The following MKS1 variants were observed in gnomAD, a reference collection of about 807,000 sequenced individuals.
MKS1 encodes the protein MKS transition zone complex subunit 1, also known as tectonic-like complex member MKS1.
MKS1 carries 70 observed loss-of-function variants against 83.7 expected under a neutral mutation model. The ratio of observed to expected loss-of-function variants is 0.84; its 90% CI spans 0.69 to 1.02. The LOEUF is 1.02. Among genes scored for constraint, MKS1 ranks in the 50% least tolerant of loss-of-function variants. The probability of loss-of-function intolerance (pLI) is 0.00; values close to 1 mark genes in which losing one functional copy is unlikely to be tolerated. For synonymous variants in MKS1, 251 were observed against 273.4 expected (o/e 0.92, Z 0.81); for missense variants, 681 against 726.9 (o/e 0.94, Z 0.73).
chr17:58,207,688 A>C, intron 14 of MKS1: 1 of 648,034 alleles, frequency 1.5e-6, no homozygotes, highest in East Asian at 2.8e-5. Context: ...AAGCACATGG[A>C]GAGACTGTCA....
At chr17:58,213,666 C>A in intron 7 of MKS1, 99 bp downstream of exon 7, 1 of 905,908 alleles carries the variant, frequency 1.1e-6, no homozygotes, top group Non-Finnish European at 1.8e-6. Context: ...AAAGTTAGAA[C>A]AGATGAAGGA....
rs1379458268 is a variant in MKS1 at position 58,206,460 on chromosome 17, C to T, written c.1490+5G>A. The stretch of plus-strand genomic sequence containing the variant: ...TGCCCTGAGGCAGAGGGCCAAGTCA[C>T]TCACCTGGACTGCTGCAGACAGTGC... On this transcript the variant is annotated splice_donor_5th_base_variant and intron_variant, in intron 16 of 17. Coordinates refer to ENST00000393119, the MANE Select transcript of MKS1 (RefSeq NM_017777.4). 6.2e-7 allele frequency: 1 copy of T among 1,614,166 alleles called. No individual in the cohort carries two copies. The highest frequency in any genetic ancestry group is 1.1e-5 in the South Asian group (1 of 91,080).
Position 58,209,392 on chromosome 17 carries a change from G to C in MKS1, c.1025-809C>G, listed in dbSNP as rs558022901. Among the ~76,000 whole-genome samples, 1 of 152,200 alleles carries C rather than the reference G, an allele frequency of 6.6e-6. No individual in the cohort carries two copies. Among genetic ancestry groups the C allele is most frequent in the African/African-American group, 2.4e-5 (1 of 41,442 alleles). On this transcript the variant is annotated intron_variant, in intron 11 of 17. Coordinates refer to ENST00000393119, the MANE Select transcript of MKS1 (RefSeq NM_017777.4). The surrounding 1 kb of genome is among the most constrained non-coding windows in gnomAD (Gnocchi z 4.1). ...CCATCTCTCATGGAGCTGACATTCT[G>C]GGGGAAGCAGGGAGACAGACAAAAA...
chr17:58,213,044 C>T lies in MKS1; in HGVS notation c.796G>A (p.Asp266Asn), dbSNP rs764943455. Residue 266 changes from aspartate (D) to asparagine (N), a missense_variant, in exon 8 of 18, where the codon GAC becomes AAC. Coordinates refer to ENST00000393119, the MANE Select transcript of MKS1 (RefSeq NM_017777.4). ...EKQELWKYTI[D>N]NVSPHAQPEE... ...GGCTGTGCGTGGGGGGAAACATTGT[C>T]GATCGTATATTTCCACAGCTCCTGC... 8.7e-6 allele frequency: 14 copies of T among 1,614,138 alleles called. No individual in the cohort carries two copies. Among genetic ancestry groups the T allele is most frequent in the Non-Finnish European group, 1.2e-5 (14 of 1,180,040 alleles).
rs2143753947 is a variant in MKS1, at chr17:58,208,183, A to G, written c.1096-9T>C. Reference sequence around the variant, plus strand: ...AAGTGAGCCACCTTGTCCTATAAAAAGGAGTGTCATAGGGTGGGCAAGGCC... The same window carrying G: ...AAGTGAGCCACCTTGTCCTATAAAAGGGAGTGTCATAGGGTGGGCAAGGCC... On this transcript the variant is annotated splice_polypyrimidine_tract_variant and intron_variant, in intron 12 of 17. Transcript: ENST00000393119. 2 of 1,608,164 alleles carry G rather than the reference A, an allele frequency of 1.2e-6. No homozygotes were observed. The highest frequency in any genetic ancestry group is 1.7e-6 in the Non-Finnish European group (2 of 1,174,566).
Position 58,213,100 on chromosome 17 carries a change from CAAAACCACAG to C in MKS1, c.750-20_750-11del. 6.2e-7 allele frequency: 1 copy of C among 1,613,236 alleles called. No individual in the cohort carries two copies. On this transcript the variant is annotated splice_polypyrimidine_tract_variant and intron_variant, in intron 7 of 17. Transcript: ENST00000393119. ...CCCCTCCGTCTCAATCCTGTAAGGT[CAAAACCACAG>C]AAAGGAGCAACTCTAATAATGAGAG...
rs764069453 is a variant in MKS1, at chr17:58,213,036, A to C, written c.804T>G (p.Val268=). 1 of 1,614,092 alleles carries C rather than the reference A, an allele frequency of 6.2e-7. No individual in the cohort carries two copies. Among genetic ancestry groups the C allele is most frequent in the Non-Finnish European group, 8.5e-7 (1 of 1,180,010 alleles). Reference sequence around the variant, plus strand: ...CCTCCTCCGGCTGTGCGTGGGGGGAAACATTGTCGATCGTATATTTCCACA... The same window carrying C: ...CCTCCTCCGGCTGTGCGTGGGGGGACACATTGTCGATCGTATATTTCCACA... The part of the protein sequence containing the change: ...QELWKYTIDN[V]SPHAQPEEEE... Residue 268 remains valine (V), a synonymous_variant, in exon 8 of 18, where the codon GTT becomes GTG. Transcript: ENST00000393119.
intron 1 of MKS1, 88 bp downstream of exon 1, chr17:58,219,063 A>G (rs777937585): frequency 1.5e-5 from 22 of 1,510,168 alleles, no homozygotes; most frequent in Non-Finnish European, 2.0e-5. Flanking sequence ...TGTAAGCAGA[A>G]AGTGGGGACC....
intron 2 of MKS1, 109 bp downstream of exon 2, chr17:58,218,511 C>T: frequency 5.7e-6 from 3 of 525,150 alleles, no homozygotes; most frequent in South Asian, 3.0e-5. Flanking sequence ...TGCCGGGCAA[C>T]TCTATAACAT....
At chr17:58,214,004 A>G in intron 6 of MKS1, 135 bp from the exon 7 acceptor site, 1 of 974,540 alleles carries the variant, frequency 1.0e-6, no homozygotes. Flanking sequence ...TCCAAGTACA[A>G]CTAAGAAAAA....
rs1228082158 is a variant in MKS1 at position 58,209,954 on chromosome 17, C to T, written c.1024+705G>A. On this transcript the variant is annotated intron_variant, in intron 11 of 17. Transcript: ENST00000393119. The surrounding 1 kb of genome is among the most constrained non-coding windows in gnomAD (Gnocchi z 4.1). ...GAGAGAACAAATAGGTTCACAACAG[C>T]TTTTGAAGACAGAACGGACAGGAAC... Among the ~76,000 whole-genome samples, 1 of 152,110 alleles carries T rather than the reference C, an allele frequency of 6.6e-6. No homozygotes were observed. Among genetic ancestry groups the T allele is most frequent in the East Asian group, 1.9e-4 (1 of 5,196 alleles).
intron 14 of MKS1, 37 bp downstream of exon 14, chr17:58,207,857 G>T (rs1233163676): frequency 6.5e-7 from 1 of 1,544,742 alleles, no homozygotes. Flanking sequence ...AGGGCCTAGG[G>T]CATGTGGGCC....
At chr17:58,208,062 T>C in intron 13 of MKS1, 43 bp downstream of exon 13, 2 of 1,608,114 alleles carry the variant, frequency 1.2e-6, no homozygotes, top group Non-Finnish European at 1.7e-6. Flanking sequence ...ACAGCACTGC[T>C]TGAGGGGAAC....
chr17:58,211,011 A>G lies in MKS1; in HGVS notation c.927T>C (p.Gly309=), dbSNP rs1368419497. 6.2e-7 allele frequency: 1 copy of G among 1,614,118 alleles called. No homozygotes were observed. Among genetic ancestry groups the G allele is most frequent in the African/African-American group, 1.3e-5 (1 of 75,058 alleles). The change falls in exon 10 of 18, where the codon GGT becomes GGC. Residue 309 remains glycine, a synonymous_variant. Coordinates refer to ENST00000393119, the MANE Select transcript of MKS1 (RefSeq NM_017777.4). ...CTCCATTTACAAAGAGCCGGAGGGC[A>G]CCTGGGACAGTCTAAGGTGAAGAGA... The part of the protein sequence containing the change: ...VGTDFEMTVP[G]ALRLFVNGEV...
intron 2 of MKS1, 173 bp downstream of exon 2, chr17:58,218,447 C>CAAAAAAAAAAAAAA (rs67834721): frequency 1.6e-5 from 4 of 242,440 alleles, no homozygotes; most frequent in East Asian, 1.3e-4. Context: ...GACTCCGTCT[C>CAAAAAAAAAAAAAA]AAAAAAAAAA....
At chr17:58,215,314 C>T (rs1016239806) in intron 4 of MKS1, among the ~76,000 whole-genome samples, 1 of 152,142 alleles carries the variant, frequency 6.6e-6, no homozygotes, top group African/African-American at 2.4e-5. Flanking sequence ...GGCTGCAGTG[C>T]AGTGGTGCTA....
intron 11 of MKS1, among the ~76,000 whole-genome samples, chr17:58,210,003 G>A (rs1336357988): frequency 1.3e-5 from 2 of 152,192 alleles, no homozygotes; most frequent in East Asian, 3.9e-4. Flanking sequence ...GCTGGCTATA[G>A]GGAGCTAGGG....
In MKS1 at chr17:58,216,780, C is replaced by T. The variant is rs73329636; in HGVS notation, c.191-44G>A. 53,216 of 1,584,240 alleles carry T rather than the reference C, an allele frequency of 0.034. 1,573 individuals carry two copies. Among genetic ancestry groups the T allele is most frequent in the African/African-American group, 0.16 (11,535 of 74,382 alleles). ...GAATCAAATGCTTGAGCCAAACCAG[C>T]ACCACTTCTTGTTCTGTGGTTTATT... On this transcript the variant is annotated intron_variant, in intron 2 of 17. Transcript: ENST00000393119.
rs528617147 is a variant in MKS1, at chr17:58,206,228, A to G, written c.1588+55T>C. On this transcript the variant is annotated intron_variant, in intron 17 of 17. Transcript: ENST00000393119. ...CATATGGTATTTCTCTCTGCACTGC[A>G]GAGAGAAACAGGCCCATGCTGACCT... is the stretch of plus-strand genomic sequence containing the variant. 32 of 1,613,886 alleles carry G rather than the reference A, an allele frequency of 2.0e-5. No individual in the cohort carries two copies. In the African/African-American group the frequency reaches 3.7e-4, roughly 19 times the overall value.
Sources: allele counts gnomAD v4.1 joint callset (sites outside exome capture counted in the v4.1 genomes callset), GRCh38; gene constraint gnomAD v4.1.1; non-coding constraint Gnocchi (gnomAD v3.1); transcripts MANE v1.5; gene names NCBI Gene and HGNC (gene_info 2026-07-23, HGNC 2026-07-21).